The following ANO6 variants were observed in gnomAD, a reference collection of about 807,000 sequenced individuals.
ANO6 encodes anoctamin-6.
Under a neutral mutation model 117.5 loss-of-function variants are expected in ANO6, and 106 were observed. The ratio of observed to expected loss-of-function variants is 0.90; its 90% CI spans 0.77 to 1.06. The LOEUF (loss-of-function observed/expected upper bound fraction) is 1.06. Ranked by LOEUF, ANO6 falls within the 50% of genes least tolerant of loss-of-function variation. The probability of loss-of-function intolerance (pLI) is 0.00; values close to 1 mark genes in which losing one functional copy is unlikely to be tolerated. For synonymous variants in ANO6, 367 were observed against 385.1 expected, an observed-to-expected ratio of 0.95 and a Z score of 0.55; for missense variants, 955 against 1,121.1, an observed-to-expected ratio of 0.85 and a Z score of 2.12.
At chr12:45,390,540 T>C in intron 12 of ANO6, 42 bp downstream of exon 12, 5 of 1,549,052 alleles carry the variant, frequency 3.2e-6, no homozygotes, top group Non-Finnish European at 4.5e-6. Flanking sequence ...TAAAAATGTT[T>C]TTATTATGTA....
chr12:45,315,112 A>C (rs1336896052), intron 2 of ANO6, among the ~76,000 whole-genome samples: 1 of 152,094 alleles, frequency 6.6e-6, no homozygotes, highest in Admixed American at 6.6e-5. Context: ...TGTCCAACAG[A>C]ACTTTTTCTC....
At chr12:45,423,198 T>A in intron 19 of ANO6, 136 bp downstream of exon 19, 1 of 744,040 alleles carries the variant, frequency 1.3e-6, no homozygotes, top group Non-Finnish European at 2.4e-6. Flanking sequence ...AATATGTTAA[T>A]CAGTATTGAC....
In ANO6 at chr12:45,413,762, T is replaced by C. The variant is rs555562772; in HGVS notation, c.2012-2937T>C. On this transcript the variant is annotated intron_variant, in intron 16 of 19. Transcript: ENST00000320560. ...GATGGAAAAGGGGCATAATGGGAAA[T>C]ACAGAGGGGGAAGAAAGGAAGAGCC... Among the ~76,000 whole-genome samples, 25 of 151,686 alleles carry C rather than the reference T, an allele frequency of 1.6e-4. No individual in the cohort carries two copies. In the South Asian group the frequency reaches 5.0e-3, roughly 30 times the overall value.
chr12:45,301,744 G>A lies in ANO6; in HGVS notation c.71-270G>A, dbSNP rs76503770. On this transcript the variant is annotated intron_variant, in intron 1 of 19. Transcript: ENST00000320560. ...GACTTTTGTAACATTTGCTTGCTGT[G>A]TACCAGTTAAATGATTTTCAGTGGT... Among the ~76,000 whole-genome samples, 1,463 of 152,244 alleles carry A rather than the reference G, an allele frequency of 9.6e-3. 25 individuals carry two copies. Among genetic ancestry groups the A allele is most frequent in the African/African-American group, 0.033 (1,378 of 41,542 alleles).
At position 45,254,138 on chromosome 12, in the gene ANO6, A is replaced by G. The variant is rs941585316; in HGVS notation, c.70+37747A>G. The stretch of plus-strand genomic sequence containing the variant: ...GCCGAGATTGTGCCACTGCACTCCA[A>G]CCTAGCAACAGAGCAAGACTCCGTC... On this transcript the variant is annotated intron_variant, in intron 1 of 19. Coordinates refer to ENST00000320560, the MANE Select transcript of ANO6 (RefSeq NM_001025356.3). Among the ~76,000 whole-genome samples, 6 of 152,150 alleles carry G rather than the reference A, an allele frequency of 3.9e-5. No individual in the cohort carries two copies. In the East Asian group the frequency reaches 7.7e-4, roughly 20 times the overall value.
chr12:45,335,406 T>TG (rs1692590323), intron 3 of ANO6: 1 of 151,988 alleles, frequency 6.6e-6, no homozygotes, highest in Non-Finnish European at 1.5e-5. Context: ...TGAGATCTCT[T>TG]GGGAAATGTT....
chr12:45,369,574 T>C (rs1393640885), intron 9 of ANO6, among the ~76,000 whole-genome samples: 1 of 152,068 alleles, frequency 6.6e-6, no homozygotes, highest in Non-Finnish European at 1.5e-5. Context: ...GTCAGAATGA[T>C]TTTCAAGAAG....
rs1185102255 is a variant in ANO6 at position 45,331,355 on chromosome 12, T to G, written c.211T>G (p.Phe71Val). ...FFNDGQRRID[F>V]VLVYEDESRK... ...TAATGATGGCCAGCGAAGAATTGAC[T>G]TTGTTCTAGTATATGAGGATGAAAG... is the stretch of plus-strand genomic sequence containing the variant. Residue 71 changes from phenylalanine (F) to valine (V), a missense_variant, in exon 3 of 20, where the codon TTT becomes GTT. Physicochemically the swap from Phe to Val is conservative, Grantham distance 50. Coordinates refer to ENST00000320560, the MANE Select transcript of ANO6 (RefSeq NM_001025356.3). 1 of 1,610,450 alleles carries G rather than the reference T, an allele frequency of 6.2e-7. No homozygotes were observed. The highest frequency in any genetic ancestry group is 1.3e-5 in the African/African-American group (1 of 74,884).
chr12:45,308,457 A>G (rs1277943459), intron 2 of ANO6, among the ~76,000 whole-genome samples: 1 of 151,918 alleles, frequency 6.6e-6, no homozygotes, highest in African/African-American at 2.4e-5. Context: ...TGAAGAGGGA[A>G]ATGGGATCCG....
At chr12:45,330,303 A>C (rs1025774170) in intron 2 of ANO6, among the ~76,000 whole-genome samples, 4 of 152,138 alleles carry the variant, frequency 2.6e-5, no homozygotes, top group Non-Finnish European at 5.9e-5. Context: ...TGTGTGGTAA[A>C]ATTGTGTAGC....
chr12:45,321,725 A>C (rs1241206717), intron 2 of ANO6, among the ~76,000 whole-genome samples: 1 of 152,132 alleles, frequency 6.6e-6, no homozygotes, highest in Non-Finnish European at 1.5e-5. Flanking sequence ...GTCAAGTAAA[A>C]ATGGTATTCT....
At chr12:45,273,854 C>T (rs1198551357) in intron 1 of ANO6, among the ~76,000 whole-genome samples, 2 of 152,166 alleles carry the variant, frequency 1.3e-5, no homozygotes, top group African/African-American at 4.8e-5. Flanking sequence ...CTGAGGGTTA[C>T]TAAGTGGTCT....
At chr12:45,352,474 C>T (rs1196018346) in intron 7 of ANO6, among the ~76,000 whole-genome samples, 1 of 150,920 alleles carries the variant, frequency 6.6e-6, no homozygotes, top group Non-Finnish European at 1.5e-5. Flanking sequence ...TTCCTCTAAT[C>T]CCAGCACTTT....
chr12:45,313,033 G>T (rs933539326), intron 2 of ANO6, among the ~76,000 whole-genome samples: 1 of 151,958 alleles, frequency 6.6e-6, no homozygotes, highest in African/African-American at 2.4e-5. Context: ...GATGCTAATG[G>T]TATCACTACC....
intron 1 of ANO6, among the ~76,000 whole-genome samples, chr12:45,283,602 A>G (rs191153851): frequency 6.6e-6 from 1 of 152,290 alleles, no homozygotes; most frequent in East Asian, 1.9e-4. Flanking sequence ...AATAGCATCT[A>G]TTTTTTCTAC....
At chr12:45,354,894 G>A (rs1941371599) in intron 7 of ANO6, among the ~76,000 whole-genome samples, 1 of 152,216 alleles carries the variant, frequency 6.6e-6, no homozygotes, top group Non-Finnish European at 1.5e-5. Context: ...AGATGTGGAT[G>A]TTTAGATGAG....
intron 12 of ANO6, 56 bp downstream of exon 12, chr12:45,390,554 GA>G: frequency 1.4e-6 from 2 of 1,458,552 alleles, no homozygotes; most frequent in East Asian, 2.3e-5. Context: ...TTATGTAACA[GA>G]TTTTTTTAAT....
At chr12:45,258,591 A>T (rs1937917940) in intron 1 of ANO6, among the ~76,000 whole-genome samples, 1 of 152,100 alleles carries the variant, frequency 6.6e-6, no homozygotes, top group South Asian at 2.1e-4. Context: ...AGTCACCACG[A>T]ATCCTGAATT....
Position 45,242,318 on chromosome 12 carries a change from A to G in ANO6, c.70+25927A>G, listed in dbSNP as rs540301663. On this transcript the variant is annotated intron_variant, in intron 1 of 19. Coordinates refer to ENST00000320560, the MANE Select transcript of ANO6 (RefSeq NM_001025356.3). ...TTCCCCTACCAGGCTGCAGCCTCGC[A>G]GGTCGATCTCAGACTGCCGCACTAG... Among the ~76,000 whole-genome samples, 5 of 152,334 alleles carry G rather than the reference A, an allele frequency of 3.3e-5. 1 individual carries two copies. The highest frequency in any genetic ancestry group is 2.6e-4 in the Admixed American group (4 of 15,304).
Sources: allele counts gnomAD v4.1 joint callset (sites outside exome capture counted in the v4.1 genomes callset), GRCh38; gene constraint gnomAD v4.1.1; transcripts MANE v1.5; gene names NCBI Gene and HGNC (gene_info 2026-07-23, HGNC 2026-07-21).